The following DCLK1 variants were observed in gnomAD, a reference collection of about 807,000 sequenced individuals.
The protein encoded by DCLK1 is serine/threonine-protein kinase DCLK1.
Under a neutral mutation model 86.2 loss-of-function variants are expected in DCLK1, and 16 were observed. The ratio of observed to expected loss-of-function variants is 0.19; its 90% CI spans 0.13 to 0.28. DCLK1 has a LOEUF of 0.28. Among genes scored for constraint, DCLK1 ranks in the 10% least tolerant of loss-of-function variants. The pLI, the probability that DCLK1 is intolerant of heterozygous loss-of-function variation, is 1.00. For missense variants in DCLK1, 590 were observed against 940.2 expected, an observed-to-expected ratio of 0.63 and a Z score of 4.87; for synonymous variants, 369 against 370.5, an observed-to-expected ratio of 1.00 and a Z score of 0.05.
At chr13:35,866,911 G>A (rs1464065004) in intron 5 of DCLK1, among the ~76,000 whole-genome samples, 8 of 152,344 alleles carry the variant, frequency 5.3e-5, no homozygotes, top group South Asian at 2.1e-4. Context: ...CTATAGTTGA[G>A]TAGGGACAGG....
chr13:36,069,147 T>C (rs1030948704), intron 3 of DCLK1, among the ~76,000 whole-genome samples: 7 of 152,186 alleles, frequency 4.6e-5, no homozygotes, highest in Admixed American at 2.6e-4. Flanking sequence ...AATTGATCAC[T>C]GATGAAGAAA....
intron 6 of DCLK1, chr13:35,850,444 A>C: frequency 9.1e-6 from 10 of 1,104,644 alleles, no homozygotes; most frequent in Non-Finnish European, 1.1e-5. Flanking sequence ...CGTGTATGAA[A>C]TTCATCTAGA....
chr13:35,935,637 A>G (rs1439581170), intron 4 of DCLK1, among the ~76,000 whole-genome samples: 1 of 152,160 alleles, frequency 6.6e-6, no homozygotes, highest in Admixed American at 6.5e-5. Context: ...TGGCTGTGGA[A>G]TAGTCATAGG....
At chr13:36,123,351 A>G (rs1045129573) in intron 2 of DCLK1, among the ~76,000 whole-genome samples, 10 of 152,232 alleles carry the variant, frequency 6.6e-5, no homozygotes. Context: ...TAGAAAAAAA[A>G]TCTGTTTAAA....
rs1251929920 is a variant in DCLK1, at chr13:35,839,161, C to T, written c.1051G>A (p.Gly351Ser). ...LRKQRSSQHG[G>S]SSTSLASTKV... is the part of the protein sequence containing the mutation. ...GTGGACGCAAGTGACGTAGAGGAGC[C>T]GCCATGCTGAGAGCTCTGTAGGGGA... The change falls in exon 7 of 17, where the codon GGC becomes AGC. Residue 351 changes from glycine to serine, a missense_variant. By Grantham distance (56) the Gly-to-Ser change is moderately conservative (BLOSUM62 0). Around this residue, in one of 6 missense-constraint regions of DCLK1, gnomAD observed 63 missense variants for 64.3 expected, o/e 0.98. Transcript: ENST00000360631. 2.1e-5 allele frequency: 33 copies of T among 1,584,620 alleles called. No homozygotes were observed. The highest frequency in any genetic ancestry group is 4.5e-5 in the East Asian group (2 of 44,012).
At chr13:35,982,804 C>A (rs1879725874) in intron 3 of DCLK1, among the ~76,000 whole-genome samples, 1 of 152,094 alleles carries the variant, frequency 6.6e-6, no homozygotes. Flanking sequence ...TTCTGTCACC[C>A]AGGTTGGAGT....
intron 3 of DCLK1, among the ~76,000 whole-genome samples, chr13:36,039,087 T>G (rs1162894388): frequency 6.6e-6 from 1 of 152,218 alleles, no homozygotes; most frequent in African/African-American, 2.4e-5. Flanking sequence ...TTTTGATCTG[T>G]CACTGTTGTA....
At chr13:35,831,420 G>A (rs1868952201) in intron 8 of DCLK1, among the ~76,000 whole-genome samples, 1 of 152,124 alleles carries the variant, frequency 6.6e-6, no homozygotes, top group Non-Finnish European at 1.5e-5. Context: ...GAATATAAGT[G>A]TCTGCTTTAA....
intron 3 of DCLK1, among the ~76,000 whole-genome samples, chr13:36,005,380 C>T (rs1049460329): frequency 7.9e-5 from 12 of 152,072 alleles, no homozygotes; most frequent in Non-Finnish European, 1.5e-4. Context: ...TTATCCCAAC[C>T]CATTTTGGAG....
chr13:35,958,018 CACA>C (rs1878119297), intron 3 of DCLK1, among the ~76,000 whole-genome samples: 1 of 130,742 alleles, frequency 7.6e-6, no homozygotes, highest in African/African-American at 3.0e-5. Flanking sequence ...CCATCACCAT[CACA>C]CACCACAACT....
At chr13:35,933,044 A>C (rs1427805501) in intron 4 of DCLK1, among the ~76,000 whole-genome samples, 8 of 152,196 alleles carry the variant, frequency 5.3e-5, no homozygotes, top group Admixed American at 5.2e-4. Context: ...AACAATTCCA[A>C]ATGGGAGAAA....
chr13:35,915,107 A>G (rs1239816602), intron 4 of DCLK1, among the ~76,000 whole-genome samples: 1 of 152,256 alleles, frequency 6.6e-6, no homozygotes, highest in Non-Finnish European at 1.5e-5. Context: ...AAACATAAAA[A>G]TAAGTTAAGC....
chr13:35,805,514 T>C (rs1315780196), intron 15 of DCLK1, 185 bp downstream of exon 15: 4 of 526,930 alleles, frequency 7.6e-6, no homozygotes, highest in Admixed American at 7.2e-5. Context: ...GCCCAAGCTG[T>C]CCTCGAACTC....
intron 3 of DCLK1, among the ~76,000 whole-genome samples, chr13:36,053,467 T>C (rs1883194735): frequency 6.6e-6 from 1 of 152,070 alleles, no homozygotes; most frequent in South Asian, 2.1e-4. Flanking sequence ...CCAATACTTA[T>C]TTACCGTCTA....
At chr13:36,044,109 A>G (rs1409670957) in intron 3 of DCLK1, among the ~76,000 whole-genome samples, 1 of 152,096 alleles carries the variant, frequency 6.6e-6, no homozygotes, top group African/African-American at 2.4e-5. Flanking sequence ...TGGTTGTTAA[A>G]AGGAGTCTGC....
chr13:36,127,241 C>T (rs1313929677), intron 1 of DCLK1, among the ~76,000 whole-genome samples: 2 of 152,034 alleles, frequency 1.3e-5, no homozygotes, highest in Admixed American at 6.5e-5. Context: ...AAAGCAAATT[C>T]ACTATACTTC....
intron 3 of DCLK1, among the ~76,000 whole-genome samples, chr13:35,961,212 G>C (rs546046641): frequency 3.9e-5 from 6 of 152,190 alleles, no homozygotes; most frequent in African/African-American, 1.4e-4. Flanking sequence ...CAGGATGATT[G>C]AAAGAATTTG....
At chr13:35,999,009 C>T (rs1880595105) in intron 3 of DCLK1, among the ~76,000 whole-genome samples, 1 of 152,194 alleles carries the variant, frequency 6.6e-6, no homozygotes, top group African/African-American at 2.4e-5. Flanking sequence ...AATCCCAGCA[C>T]TTTGGGAGGC....
chr13:35,920,551 T>C (rs1943282105), intron 4 of DCLK1, among the ~76,000 whole-genome samples: 1 of 152,012 alleles, frequency 6.6e-6, no homozygotes, highest in Admixed American at 6.6e-5. Context: ...TGAAGGAAAA[T>C]GCACGGGGGT....
Sources: gnomAD v4.1 joint callset for allele counts (sites outside exome capture counted in the v4.1 genomes callset) on GRCh38, gnomAD v4.1.1 for gene constraint, gnomAD v4.1.1 regional missense constraint, MANE v1.5 for transcripts, NCBI Gene and HGNC (gene_info 2026-07-23, HGNC 2026-07-21) for gene names.